The following TUBB6 variants were observed in gnomAD, a reference collection of about 807,000 sequenced individuals.
TUBB6 encodes the protein tubulin beta 6 class V.
TUBB6 carries 18 observed loss-of-function variants against 32.3 expected under a neutral mutation model. The ratio of observed to expected loss-of-function variants is 0.56; its 90% CI spans 0.39 to 0.83. TUBB6 has a LOEUF of 0.83. TUBB6 is among the 40% of genes least tolerant of loss of function. TUBB6 has a pLI of 0.00. For synonymous variants in TUBB6, 280 were observed against 265.8 expected (o/e 1.05, Z -0.52); for missense variants, 480 against 632.0 (o/e 0.76, Z 2.58).
intron 3 of TUBB6, among the ~76,000 whole-genome samples, chr18:12,316,152 G>A (rs1466691767): frequency 6.6e-6 from 1 of 152,220 alleles, no homozygotes; most frequent in Non-Finnish European, 1.5e-5. Flanking sequence ...GACCTGGCCA[G>A]GTCTCAAGAG....
chr18:12,318,932 A>T (rs1037163020), intron 3 of TUBB6, among the ~76,000 whole-genome samples: 20 of 152,154 alleles, frequency 1.3e-4, no homozygotes, highest in Admixed American at 5.9e-4. Flanking sequence ...ATACAAAAAA[A>T]AGTGTTTAAT....
intron 3 of TUBB6, among the ~76,000 whole-genome samples, chr18:12,312,648 C>T (rs1906447139): frequency 6.6e-6 from 1 of 151,530 alleles, no homozygotes; most frequent in African/African-American, 2.4e-5. Flanking sequence ...TAATAGATGA[C>T]CCAAAAAAGT....
intron 3 of TUBB6, among the ~76,000 whole-genome samples, chr18:12,312,175 T>G (rs1298261464): frequency 6.6e-6 from 1 of 152,212 alleles, no homozygotes; most frequent in Non-Finnish European, 1.5e-5. Context: ...GATGGAAAAC[T>G]TCCCAACATT....
downstream of TUBB6, chr18:12,329,410 C>T (rs1463217302): frequency 1.6e-5 from 13 of 815,724 alleles, no homozygotes; most frequent in African/African-American, 6.8e-5. Flanking sequence ...ACCTCTGAGG[C>T]TGAAAGGACT....
intron 2 of TUBB6, 33 bp downstream of exon 2, chr18:12,308,828 C>A: frequency 7.0e-7 from 1 of 1,429,824 alleles, no homozygotes; most frequent in Non-Finnish European, 9.9e-7. Flanking sequence ...CCTGCCCGGC[C>A]GGGACCCGCG....
rs759576039 is a variant in TUBB6 at position 12,325,140 on chromosome 18, G to T, written c.351G>T (p.Leu117=). Residue 117 remains leucine, a synonymous_variant, in exon 4 of 4, where the codon CTG becomes CTT. Coordinates refer to ENST00000317702, the MANE Select transcript of TUBB6 (RefSeq NM_032525.3). ...GCGCGGAGCTGGTGGACGCAGTGCTGGACGTGGTGCGGAAGGAGTGCGAGC... is the reference window on the plus strand; with the variant it reads ...GCGCGGAGCTGGTGGACGCAGTGCTTGACGTGGTGCGGAAGGAGTGCGAGC... The part of the protein sequence containing the change: ...TEGAELVDAV[L]DVVRKECEHC... The T allele has an allele frequency of 3.1e-6, 5 of 1,611,696 alleles. No homozygotes were observed. The highest frequency in any genetic ancestry group is 4.2e-6 in the Non-Finnish European group (5 of 1,178,538).
chr18:12,326,883 A>G (rs1907356184), downstream of TUBB6, among the ~76,000 whole-genome samples: 1 of 152,266 alleles, frequency 6.6e-6, no homozygotes, highest in South Asian at 2.1e-4. Context: ...AACAGCCCCA[A>G]AAGGCCTCCG....
chr18:12,308,526 CT>C, intron 1 of TUBB6, 160 bp from the exon 2 acceptor site: 1 of 725,578 alleles, frequency 1.4e-6, no homozygotes, highest in Non-Finnish European at 2.2e-6. Flanking sequence ...GGCCGGGGAC[CT>C]TCTACTCTTC....
intron 3 of TUBB6, among the ~76,000 whole-genome samples, chr18:12,318,227 T>C (rs1906775740): frequency 6.6e-6 from 1 of 151,598 alleles, no homozygotes. Context: ...AATACCTATG[T>C]TGTAGTTTTG....
At chr18:12,328,431 G>T (rs997820617), downstream of TUBB6, among the ~76,000 whole-genome samples, 1 of 152,164 alleles carries the variant, frequency 6.6e-6, no homozygotes, top group Admixed American at 6.5e-5. Flanking sequence ...TTTTGATATA[G>T]GTTTGCAACA....
Position 12,324,717 on chromosome 18 carries a change from C to G in TUBB6, c.278-350C>G, listed in dbSNP as rs1004733329. The G allele has an allele frequency of 1.0e-5, 12 of 1,179,556 alleles. No homozygotes were observed. In the Admixed American group the frequency reaches 4.6e-4, roughly 45 times the overall value. The allele number at this position is 1,179,556 out of a possible 1,614,324, so 73.1% of individuals were successfully genotyped here. On this transcript the variant is annotated intron_variant, in intron 3 of 3. Transcript: ENST00000317702. Reference sequence around the variant, plus strand: ...CCACCCGCCTCGGCCTCCCAAAGTGCTGGGATTACAGGCATGAGCCACGGC... The same window carrying G: ...CCACCCGCCTCGGCCTCCCAAAGTGGTGGGATTACAGGCATGAGCCACGGC...
At chr18:12,316,640 G>C (rs1190354187) in intron 3 of TUBB6, among the ~76,000 whole-genome samples, 3 of 152,200 alleles carry the variant, frequency 2.0e-5, no homozygotes, top group Admixed American at 6.5e-5. Context: ...ACATATTATG[G>C]AGAATGGAGA....
Position 12,308,707 on chromosome 18 carries a change from T to C in TUBB6, c.78T>C (p.Asp26=), listed in dbSNP as rs201520367. 5.3e-4 allele frequency: 854 copies of C among 1,612,624 alleles called. 5 individuals carry two copies. The East Asian group carries it at 0.015, about 28-fold the overall frequency. ...CCAAGTTTTGGGAAGTGATCAGCGA[T>C]GAGCACGGCATCGACCCGGCCGGAG... The part of the protein sequence containing the change: ...IGTKFWEVIS[D]EHGIDPAGGY... The change falls in exon 2 of 4, where the codon GAT becomes GAC. Residue 26 remains aspartate (D), a synonymous_variant. Transcript: ENST00000317702.
At chr18:12,309,091 C>T (rs1906197806) in intron 2 of TUBB6, among the ~76,000 whole-genome samples, 1 of 152,192 alleles carries the variant, frequency 6.6e-6, no homozygotes, top group Admixed American at 6.5e-5. Flanking sequence ...TGGCTCAAGC[C>T]TCTAATCCCA....
chr18:12,309,014 C>T (rs573827761), intron 2 of TUBB6, among the ~76,000 whole-genome samples: 2 of 152,356 alleles, frequency 1.3e-5, no homozygotes, highest in East Asian at 3.9e-4. Context: ...TGAACGGGAC[C>T]ACCCGTTAGC....
intron 3 of TUBB6, among the ~76,000 whole-genome samples, chr18:12,319,960 T>A (rs574343628): frequency 6.6e-6 from 1 of 152,078 alleles, no homozygotes; most frequent in Non-Finnish European, 1.5e-5. Flanking sequence ...CTAATTTTTT[T>A]TATATTTTTG....
intron 3 of TUBB6, among the ~76,000 whole-genome samples, chr18:12,316,850 G>A (rs1906698737): frequency 6.6e-6 from 1 of 152,082 alleles, no homozygotes; most frequent in Non-Finnish European, 1.5e-5. Context: ...AATGATTTAG[G>A]AAACACTCAC....
chr18:12,325,158 G>T lies in TUBB6; in HGVS notation c.369G>T (p.Glu123Asp). ...CAGTGCTGGACGTGGTGCGGAAGGA[G>T]TGCGAGCACTGCGACTGCCTGCAGG... ...VDAVLDVVRK[E>D]CEHCDCLQGF... The change falls in exon 4 of 4, where the codon GAG (glutamate) becomes GAT (aspartate). Residue 123 changes from glutamate to aspartate, a missense_variant. By Grantham distance (45) the Glu-to-Asp change is conservative. Transcript: ENST00000317702. 6.2e-7 allele frequency: 1 copy of T among 1,613,636 alleles called. No individual in the cohort carries two copies. The highest frequency in any genetic ancestry group is 1.3e-5 in the African/African-American group (1 of 75,060).
intron 3 of TUBB6, among the ~76,000 whole-genome samples, chr18:12,317,384 C>A (rs886356317): frequency 1.3e-5 from 2 of 151,984 alleles, no homozygotes; most frequent in African/African-American, 4.8e-5. Context: ...ATCACTTGAG[C>A]TAGGGAGGTT....
Sources: allele counts gnomAD v4.1 joint callset (sites outside exome capture counted in the v4.1 genomes callset), GRCh38; gene constraint gnomAD v4.1.1; transcripts MANE v1.5; gene names NCBI Gene and HGNC (gene_info 2026-07-23, HGNC 2026-07-21).